Variants in ARPP21 observed in about 807,000 individuals in gnomAD.
The protein encoded by ARPP21 is cAMP-regulated phosphoprotein 21.
A neutral mutation model predicts 113.2 loss-of-function variants in ARPP21; 69 were observed. That is an observed-to-expected ratio of 0.61 (90% CI 0.50 to 0.74). The LOEUF is 0.74. Ranked by LOEUF, ARPP21 falls within the 30% of genes least tolerant of loss-of-function variation. ARPP21 has a pLI of 0.00. For missense variants in ARPP21, 1,070 were observed against 1,037.4 expected (o/e 1.03, Z -0.43); for synonymous variants, 368 against 375.5 (o/e 0.98, Z 0.23).
chr3:35,715,947 C>A (rs890652777), intron 12 of ARPP21, among the ~76,000 whole-genome samples: 2 of 152,070 alleles, frequency 1.3e-5, no homozygotes, highest in African/African-American at 2.4e-5. Flanking sequence ...TCTAAACAAT[C>A]TATTTTTCTT....
intron 1 of ARPP21, among the ~76,000 whole-genome samples, chr3:35,655,205 A>G (rs1366516754): frequency 6.6e-6 from 1 of 151,980 alleles, no homozygotes; most frequent in Non-Finnish European, 1.5e-5. Flanking sequence ...AGATAACAGA[A>G]AATAAATGTG....
At chr3:35,768,233 C>A (rs1207370272) in intron 19 of ARPP21, among the ~76,000 whole-genome samples, 1 of 151,844 alleles carries the variant, frequency 6.6e-6, no homozygotes, top group Admixed American at 6.6e-5. Flanking sequence ...CTTTCCCCTT[C>A]CCATTTCCTC....
At chr3:35,780,557 C>A (rs1054076628) in intron 19 of ARPP21, among the ~76,000 whole-genome samples, 1 of 151,956 alleles carries the variant, frequency 6.6e-6, no homozygotes, top group Admixed American at 6.6e-5. Context: ...TTTGCCAGAT[C>A]CCACTACTTA....
intron 1 of ARPP21, among the ~76,000 whole-genome samples, chr3:35,654,813 G>T (rs1355024351): frequency 6.6e-6 from 1 of 152,020 alleles, no homozygotes; most frequent in Non-Finnish European, 1.5e-5. Flanking sequence ...AGCATAGTAG[G>T]TATAATAAAC....
At chr3:35,770,838 T>C (rs1458046762) in intron 19 of ARPP21, among the ~76,000 whole-genome samples, 1 of 152,218 alleles carries the variant, frequency 6.6e-6, no homozygotes, top group Non-Finnish European at 1.5e-5. Context: ...TGAGAATCAC[T>C]GCAGTAATAT....
chr3:35,682,955 GTTAAAGGA>G, intron 4 of ARPP21, 66 bp downstream of exon 4: 1 of 1,429,008 alleles, frequency 7.0e-7, no homozygotes, highest in Non-Finnish European at 9.6e-7. Flanking sequence ...TTACATCAGA[GTTAAAGGA>G]TTTGCCAGCA....
At chr3:35,757,713 A>G (rs1371436404) in intron 19 of ARPP21, among the ~76,000 whole-genome samples, 1 of 152,108 alleles carries the variant, frequency 6.6e-6, no homozygotes, top group African/African-American at 2.4e-5. Context: ...ATGAATTTTT[A>G]GTTTTGACTC....
intron 19 of ARPP21, among the ~76,000 whole-genome samples, chr3:35,763,757 A>C (rs916528115): frequency 6.6e-6 from 1 of 152,188 alleles, no homozygotes. Context: ...TATAGAAACC[A>C]TGTGTTAAAT....
At chr3:35,781,754 T>C (rs1389399187) in intron 19 of ARPP21, 1 of 152,186 alleles carries the variant, frequency 6.6e-6, no homozygotes, top group African/African-American at 2.4e-5. Flanking sequence ...GGGTAAATCA[T>C]TGCTGTAATA....
At chr3:35,682,607 C>G (rs575401828) in intron 3 of ARPP21, 1 of 412,710 alleles carries the variant, frequency 2.4e-6, no homozygotes, top group African/African-American at 2.1e-5. Flanking sequence ...TCCTTGTCCC[C>G]TTTCCAATAG....
chr3:35,673,147 A>G lies in ARPP21; in HGVS notation c.-212-6640A>G, dbSNP rs566484003. On this transcript the variant is annotated intron_variant, in intron 1 of 20. Coordinates refer to ENST00000684406, the MANE Select transcript of ARPP21 (RefSeq NM_001385562.1). ...AAACTATAGCTCAGAGCTGCCCTAT[A>G]TAACTGGAAACTCCCTTTGTTCCTG... 1.2e-3 allele frequency among the ~76,000 whole-genome samples: 179 copies of G among 152,148 alleles called. 1 individual carries two copies. Among genetic ancestry groups the G allele is most frequent in the Admixed American group, 3.1e-3 (47 of 15,256 alleles).
At chr3:35,675,471 GC>G (rs1464179157) in intron 1 of ARPP21, among the ~76,000 whole-genome samples, 3 of 151,754 alleles carry the variant, frequency 2.0e-5, no homozygotes, top group African/African-American at 4.8e-5. Context: ...CACAAACTGG[GC>G]CAGTCTTGTG....
At chr3:35,690,017 A>T (rs2081781636) in intron 7 of ARPP21, 64 bp from the exon 8 acceptor site, 1 of 769,000 alleles carries the variant, frequency 1.3e-6, no homozygotes, top group South Asian at 1.4e-5. Flanking sequence ...CATTTAATTA[A>T]TTCTTTAGGT....
Position 35,792,400 on chromosome 3 carries a change from C to G in ARPP21, c.2156C>G (p.Ser719Cys), listed in dbSNP as rs1457105203. The change falls in exon 20 of 21, where the codon TCT (serine) becomes TGT (cysteine). Residue 719 changes from serine (S) to cysteine (C), a missense_variant. By Grantham distance (112) the Ser-to-Cys change is moderately radical (BLOSUM62 -1). Transcript: ENST00000684406. ...TTCGCAGGTTACCAGCCAGTCTTGT[C>G]TGGTCAACAGGGATTCCAAGGCCTA... ...AQQAGYQPVL[S>C]GQQGFQGLIG... The G allele has an allele frequency of 1.2e-6, 2 of 1,613,998 alleles. No individual in the cohort carries two copies. Among genetic ancestry groups the G allele is most frequent in the South Asian group, 1.1e-5 (1 of 91,080 alleles).
chr3:35,669,212 A>T (rs1015190723), intron 1 of ARPP21, among the ~76,000 whole-genome samples: 8 of 152,026 alleles, frequency 5.3e-5, no homozygotes, highest in African/African-American at 1.7e-4. Flanking sequence ...CTCCCACTAC[A>T]TAAGATTTTT....
At chr3:35,692,102 G>A (rs1168036829) in intron 9 of ARPP21, among the ~76,000 whole-genome samples, 1 of 151,354 alleles carries the variant, frequency 6.6e-6, no homozygotes, top group Admixed American at 6.6e-5. Flanking sequence ...AATATCTCAG[G>A]GACAATGAGC....
At position 35,712,597 on chromosome 3, in the gene ARPP21, T is replaced by C. The variant is rs139588350; in HGVS notation, c.898-2842T>C. 7.7e-3 allele frequency among the ~76,000 whole-genome samples: 1,170 copies of C among 151,872 alleles called. 11 individuals are homozygous for C. Among genetic ancestry groups the C allele is most frequent in the African/African-American group, 0.025 (1,054 of 41,386 alleles). On this transcript the variant is annotated intron_variant, in intron 11 of 20. Transcript: ENST00000684406. Reference sequence around the variant, plus strand: ...GAGTGTGTGTGTGTATGTGTTTGTGTGTGCTTTTGTATACAGGCACATAAA... The same window carrying C: ...GAGTGTGTGTGTGTATGTGTTTGTGCGTGCTTTTGTATACAGGCACATAAA...
At chr3:35,704,296 G>A (rs1004483974) in intron 9 of ARPP21, among the ~76,000 whole-genome samples, 2 of 151,664 alleles carry the variant, frequency 1.3e-5, no homozygotes, top group African/African-American at 4.8e-5. Flanking sequence ...ATTAGAATAA[G>A]CCTTATGATT....
intron 19 of ARPP21, among the ~76,000 whole-genome samples, chr3:35,748,110 GAAGA>G (rs145851636): frequency 0.028 from 2,630 of 95,492 alleles, 111 homozygotes; most frequent in African/African-American, 0.095. Flanking sequence ...AAGAAAGAAA[GAAGA>G]AAGAAAGAAA....
Sources: gnomAD v4.1 joint callset for allele counts (sites outside exome capture counted in the v4.1 genomes callset) on GRCh38, gnomAD v4.1.1 for gene constraint, MANE v1.5 for transcripts, NCBI Gene and HGNC (gene_info 2026-07-23, HGNC 2026-07-21) for gene names.